The following SCAI variants were observed in gnomAD, a reference collection of about 807,000 sequenced individuals.
SCAI encodes protein SCAI.
In SCAI, 24 loss-of-function variants were observed where a neutral mutation model predicts 92.2. The observed-to-expected ratio is 0.26, with a 90% confidence interval of 0.19 to 0.37. The LOEUF (loss-of-function observed/expected upper bound fraction) is 0.37, where lower values mean the gene tolerates loss of function less well. Ranked by LOEUF, SCAI falls within the 10% of genes least tolerant of loss-of-function variation. The pLI, the probability that SCAI is intolerant of heterozygous loss-of-function variation, is 1.00. For missense variants in SCAI, 450 were observed against 736.2 expected, an observed-to-expected ratio of 0.61 and a Z score of 4.50; for synonymous variants, 261 against 258.6, an observed-to-expected ratio of 1.01 and a Z score of -0.09.
chr9:125,097,979 T>G (rs1834594885), intron 2 of SCAI, among the ~76,000 whole-genome samples: 1 of 151,660 alleles, frequency 6.6e-6, no homozygotes, highest in Non-Finnish European at 1.5e-5. Context: ...ATATAAATTC[T>G]GATCTATATA....
At chr9:125,085,130 C>T (rs903004097) in intron 2 of SCAI, among the ~76,000 whole-genome samples, 5 of 152,164 alleles carry the variant, frequency 3.3e-5, no homozygotes, top group African/African-American at 9.7e-5. Context: ...TAAAAGTAGA[C>T]TGTGTTTTTT....
At chr9:125,060,634 A>G (rs1233678781) in intron 2 of SCAI, among the ~76,000 whole-genome samples, 18 of 152,150 alleles carry the variant, frequency 1.2e-4, no homozygotes. Context: ...TTCTCATGAT[A>G]GTGAGTAAGT....
intron 2 of SCAI, among the ~76,000 whole-genome samples, chr9:125,137,393 A>G (rs1039450796): frequency 6.6e-6 from 1 of 152,206 alleles, no homozygotes; most frequent in African/African-American, 2.4e-5. Flanking sequence ...AAAATTCAAT[A>G]AACTGTTCTC....
At chr9:125,067,205 T>C (rs1418003780) in intron 2 of SCAI, among the ~76,000 whole-genome samples, 1 of 152,154 alleles carries the variant, frequency 6.6e-6, no homozygotes. Context: ...TATATTTTAA[T>C]GGGTTGAATT....
At chr9:125,002,488 G>GCTTTTTT (rs1554779237) in intron 11 of SCAI, among the ~76,000 whole-genome samples, 2 of 125,106 alleles carry the variant, frequency 1.6e-5, no homozygotes, top group South Asian at 4.9e-4. Flanking sequence ...TTTTTAGTCT[G>GCTTTTTT]TTTTTTTTTT....
chr9:125,130,377 T>C (rs1835373282), intron 2 of SCAI, among the ~76,000 whole-genome samples: 1 of 152,180 alleles, frequency 6.6e-6, no homozygotes, highest in Admixed American at 6.6e-5. Flanking sequence ...TGGGGAGTGA[T>C]GGAACTGTTC....
intron 2 of SCAI, among the ~76,000 whole-genome samples, chr9:125,082,472 C>T (rs1302097058): frequency 6.6e-6 from 1 of 152,218 alleles, no homozygotes; most frequent in African/African-American, 2.4e-5. Flanking sequence ...TGGGCACTGC[C>T]TAGTGGAGCT....
intron 2 of SCAI, among the ~76,000 whole-genome samples, chr9:125,093,567 C>CTT (rs761646048): frequency 1.4e-3 from 198 of 137,202 alleles, no homozygotes; most frequent in African/African-American, 4.8e-3. Context: ...ATGACACCTC[C>CTT]TTTTTTTTTT....
intron 2 of SCAI, among the ~76,000 whole-genome samples, chr9:125,105,672 A>T (rs1834762550): frequency 6.6e-6 from 1 of 152,214 alleles, no homozygotes; most frequent in Non-Finnish European, 1.5e-5. Context: ...GCTTATACAT[A>T]TTGTCTGTAT....
At chr9:125,008,309 T>C (rs1832557782) in intron 9 of SCAI, among the ~76,000 whole-genome samples, 1 of 151,718 alleles carries the variant, frequency 6.6e-6, no homozygotes, top group African/African-American at 2.4e-5. Context: ...CATGCCTGGC[T>C]TATTTTTAGT....
At chr9:124,991,747 G>T (rs1471262979) in intron 14 of SCAI, among the ~76,000 whole-genome samples, 1 of 152,062 alleles carries the variant, frequency 6.6e-6, no homozygotes, top group Admixed American at 6.6e-5. Context: ...TGAGGCAGGA[G>T]AATCGCTTGA....
chr9:125,098,285 G>A (rs1007426087), intron 2 of SCAI, among the ~76,000 whole-genome samples: 2 of 151,984 alleles, frequency 1.3e-5, no homozygotes, highest in African/African-American at 4.8e-5. Flanking sequence ...TCAAACTCCT[G>A]GCCTCAAGCA....
chr9:125,022,561 G>A (rs573202717), intron 6 of SCAI, among the ~76,000 whole-genome samples: 36 of 152,244 alleles, frequency 2.4e-4, no homozygotes, highest in African/African-American at 7.2e-4. Flanking sequence ...GCAGGTGTGT[G>A]CCACCATGCC....
intron 3 of SCAI, among the ~76,000 whole-genome samples, chr9:125,052,028 C>T: frequency 6.6e-6 from 1 of 151,994 alleles, no homozygotes; most frequent in East Asian, 1.9e-4. Flanking sequence ...GCCTGGGTGA[C>T]AAAGCAAGGC....
chr9:125,062,213 C>T (rs964314831), intron 2 of SCAI, among the ~76,000 whole-genome samples: 16 of 151,516 alleles, frequency 1.1e-4, no homozygotes, highest in Non-Finnish European at 2.1e-4. Context: ...GCAACCTCTG[C>T]TTCCCAGGCT....
In SCAI at chr9:125,138,574, C is replaced by G. The variant is rs796089046; in HGVS notation, c.98+4059G>C. ...GGACTACAGGCACCTGCCACCACGT[C>G]CAGCTGATTTTTTTTGTTTTTAGTA... On this transcript the variant is annotated intron_variant, in intron 2 of 17. Transcript: ENST00000336505. Among the ~76,000 whole-genome samples the G allele has an allele frequency of 5.3e-5, 8 of 152,238 alleles. No individual in the cohort carries two copies. In the South Asian group the frequency reaches 1.2e-3, roughly 24 times the overall value.
At chr9:124,995,828 A>G (rs369242973) in intron 13 of SCAI, among the ~76,000 whole-genome samples, 1 of 152,076 alleles carries the variant, frequency 6.6e-6, no homozygotes. Context: ...ATTTGCATCA[A>G]GGGCTTGTTA....
At chr9:125,036,624 A>G (rs1171544626) in intron 3 of SCAI, among the ~76,000 whole-genome samples, 1 of 152,176 alleles carries the variant, frequency 6.6e-6, no homozygotes, top group Non-Finnish European at 1.5e-5. Flanking sequence ...TTATATTTTA[A>G]TTCATTTTTT....
intron 2 of SCAI, among the ~76,000 whole-genome samples, chr9:125,074,661 T>G (rs75828143): frequency 6.6e-6 from 1 of 151,956 alleles, no homozygotes; most frequent in Non-Finnish European, 1.5e-5. Context: ...AATCCAAACT[T>G]GATCTAATTT....
Sources: allele counts gnomAD v4.1 joint callset (sites outside exome capture counted in the v4.1 genomes callset), GRCh38; gene constraint gnomAD v4.1.1; transcripts MANE v1.5; gene names NCBI Gene and HGNC (gene_info 2026-07-23, HGNC 2026-07-21).